CLIP2: variants seen among roughly 807,000 people sequenced by gnomAD.
The protein encoded by CLIP2 is CAP-Gly domain containing linker protein 2.
CLIP2 carries 41 observed loss-of-function variants against 111.7 expected under a neutral mutation model. The observed-to-expected ratio is 0.37, with a 90% CI of 0.29 to 0.48. The LOEUF (loss-of-function observed/expected upper bound fraction) is 0.48, where lower values mean the gene tolerates loss of function less well. CLIP2 is among the 20% of genes least tolerant of loss of function. The pLI, the probability that CLIP2 is intolerant of heterozygous loss-of-function variation, is 0.99. For synonymous variants in CLIP2, 660 were observed against 644.2 expected (o/e 1.02, Z -0.37); for missense variants, 1,160 against 1,422.1 (o/e 0.82, Z 2.96).
intron 8 of CLIP2, among the ~76,000 whole-genome samples, chr7:74,370,617 C>T (rs1183152139): frequency 6.8e-6 from 1 of 146,970 alleles, no homozygotes; most frequent in Admixed American, 6.9e-5. Flanking sequence ...CACCACCCCC[C>T]TGCCTTGTCC....
chr7:74,356,605 G>A lies in CLIP2; in HGVS notation c.999G>A (p.Arg333=), dbSNP rs1554308533. ...VSSVASSVGG[R]PSRSGLLTET... Reference sequence around the variant, plus strand: ...CTGTGGCCTCCTCCGTGGGGGGTCGGCCCAGCCGCAGTGGCCTGGTGAGGG... The same window carrying A: ...CTGTGGCCTCCTCCGTGGGGGGTCGACCCAGCCGCAGTGGCCTGGTGAGGG... The change falls in exon 5 of 17, where the codon CGG becomes CGA. Residue 333 remains arginine, a synonymous_variant. Coordinates refer to ENST00000223398, the MANE Select transcript of CLIP2 (RefSeq NM_003388.5). 1.2e-6 allele frequency: 2 copies of A among 1,613,554 alleles called. No individual in the cohort carries two copies. The highest frequency in any genetic ancestry group is 2.2e-5 in the South Asian group (2 of 91,006).
intron 14 of CLIP2, among the ~76,000 whole-genome samples, chr7:74,398,710 G>T (rs1052491987): frequency 1.1e-4 from 16 of 152,348 alleles, no homozygotes; most frequent in Non-Finnish European, 1.6e-4. Context: ...CACCCAGACT[G>T]TGGCTGTGGG....
rs1554312784 is a variant in CLIP2 at position 74,376,171 on chromosome 7, G to A, written c.1770G>A (p.Gln590=). ...GCGCGGCCAACGAGAAGTACGCACAGGAGGTGGCGGGCCTGAAGGACAAGG... is the reference window on the plus strand; with the variant it reads ...GCGCGGCCAACGAGAAGTACGCACAAGAGGTGGCGGGCCTGAAGGACAAGG... ...KLRAANEKYA[Q]EVAGLKDKVQ... The change falls in exon 10 of 17, where the codon CAG becomes CAA. Residue 590 remains glutamine (Q), a synonymous_variant. Transcript: ENST00000223398. This position sits in a 1 kb window ranked among gnomAD's most constrained non-coding sequence, Gnocchi z 7.1. 1.2e-6 allele frequency: 2 copies of A among 1,611,752 alleles called. No homozygotes were observed. The highest frequency in any genetic ancestry group is 1.7e-6 in the Non-Finnish European group (2 of 1,179,024).
At chr7:74,397,727 C>T (rs555329150) in intron 14 of CLIP2, among the ~76,000 whole-genome samples, 5 of 138,732 alleles carry the variant, frequency 3.6e-5, no homozygotes, top group South Asian at 4.8e-4. Flanking sequence ...AGTGCAGTGG[C>T]GCGATCTCAG....
intron 16 of CLIP2, among the ~76,000 whole-genome samples, chr7:74,403,118 C>T (rs1265498172): frequency 6.7e-5 from 8 of 119,540 alleles, no homozygotes; most frequent in African/African-American, 2.0e-4. Flanking sequence ...ACTCGGGAGG[C>T]TGAGGCAGGA....
At chr7:74,347,560 G>A (rs1486467218) in intron 3 of CLIP2, among the ~76,000 whole-genome samples, 4 of 152,186 alleles carry the variant, frequency 2.6e-5, no homozygotes, top group South Asian at 2.1e-4. Context: ...GAGCCACCGC[G>A]TCCGGCCAAA....
intron 2 of CLIP2, among the ~76,000 whole-genome samples, chr7:74,337,591 T>TGC (rs1279013389): frequency 6.5e-5 from 5 of 77,212 alleles, no homozygotes; most frequent in East Asian, 1.3e-3. Flanking sequence ...AAGCCATTGC[T>TGC]TCTTTTTTTT....
chr7:74,317,566 T>C lies in CLIP2; in HGVS notation c.20T>C (p.Leu7Pro). ...ACCGCCATGCAGAAGCCCAGCGGCC[T>C]GAAGCCCCCCGGCCGTGGGGGGAAG... Reference protein sequence around the residue: MQKPSGLKPPGRGGKHS... With the variant: MQKPSGPKPPGRGGKHS... The change falls in exon 2 of 17, where the codon CTG becomes CCG. Residue 7 changes from leucine (L) to proline (P), a missense_variant. Around this residue, in one of 5 missense-constraint regions of CLIP2, gnomAD observed 301 missense variants for 315.2 expected, o/e 0.96. Transcript: ENST00000223398. The C allele has an allele frequency of 6.8e-7, 1 of 1,471,244 alleles. No individual in the cohort carries two copies. Among genetic ancestry groups the C allele is most frequent in the South Asian group, 1.4e-5 (1 of 70,718 alleles). The allele number at this position is 1,471,244 out of a possible 1,614,324, so 91.1% of individuals were successfully genotyped here.
At chr7:74,362,099 CAAAA>C (rs564539300) in intron 7 of CLIP2, among the ~76,000 whole-genome samples, 4 of 86,510 alleles carry the variant, frequency 4.6e-5, no homozygotes, top group Non-Finnish European at 5.0e-5. Context: ...GGCTCCGCCT[CAAAA>C]AAAAAAAAAA....
chr7:74,343,984 G>C (rs1789736538), intron 3 of CLIP2, among the ~76,000 whole-genome samples: 1 of 152,206 alleles, frequency 6.6e-6, no homozygotes, highest in East Asian at 1.9e-4. Flanking sequence ...TGCACAGTCT[G>C]ACTAATGTCG....
intron 1 of CLIP2, among the ~76,000 whole-genome samples, chr7:74,294,058 A>T (rs1175263607): frequency 1.3e-5 from 2 of 152,098 alleles, no homozygotes; most frequent in African/African-American, 4.8e-5. Flanking sequence ...CTGGGATTAC[A>T]GGCACGCGCC....
At chr7:74,347,508 T>C (rs2116582329) in intron 3 of CLIP2, among the ~76,000 whole-genome samples, 1 of 152,264 alleles carries the variant, frequency 6.6e-6, no homozygotes, top group East Asian at 1.9e-4. Context: ...GACCTCGTGA[T>C]CTGCCCGCCT....
intron 14 of CLIP2, among the ~76,000 whole-genome samples, chr7:74,398,447 C>T (rs571432419): frequency 7.2e-5 from 11 of 152,312 alleles, no homozygotes; most frequent in South Asian, 6.2e-4. Flanking sequence ...GTGAACGTCA[C>T]GATATGGAGG....
At chr7:74,392,392 G>A (rs1436171254) in intron 13 of CLIP2, among the ~76,000 whole-genome samples, 1 of 151,558 alleles carries the variant, frequency 6.6e-6, no homozygotes, top group Non-Finnish European at 1.5e-5. Context: ...AAATAGCTGG[G>A]CGTGGAGCAC....
At chr7:74,325,216 C>T (rs1483870483) in intron 2 of CLIP2, among the ~76,000 whole-genome samples, 3 of 152,178 alleles carry the variant, frequency 2.0e-5, no homozygotes, top group African/African-American at 7.2e-5. Context: ...CTGTGCCACA[C>T]AGGGAGCAGC....
At chr7:74,362,528 CTTT>C (rs3044338) in intron 7 of CLIP2, among the ~76,000 whole-genome samples, 3 of 121,978 alleles carry the variant, frequency 2.5e-5, no homozygotes, top group Non-Finnish European at 3.3e-5. Context: ...TTTTTCTTTT[CTTT>C]TTTTTTTTTT....
intron 6 of CLIP2, among the ~76,000 whole-genome samples, chr7:74,359,597 C>T (rs1451731973): frequency 2.0e-5 from 3 of 151,674 alleles, no homozygotes; most frequent in African/African-American, 4.8e-5. Flanking sequence ...CCTTGTGATC[C>T]GCCCGCCTTG....
chr7:74,397,247 G>C lies in CLIP2; in HGVS notation c.2880+14G>C. On this transcript the variant is annotated intron_variant, in intron 14 of 16. Transcript: ENST00000223398. ...CTGACCGGGCTGGTATGTGGGGTAG[G>C]GGTGGCCTAGGGGCAGGGGCACTAG... 2.5e-6 allele frequency: 4 copies of C among 1,612,418 alleles called. No homozygotes were observed. Among genetic ancestry groups the C allele is most frequent in the Non-Finnish European group, 3.4e-6 (4 of 1,179,210 alleles).
chr7:74,368,244 G>A (rs918136142), intron 8 of CLIP2, among the ~76,000 whole-genome samples: 4 of 151,934 alleles, frequency 2.6e-5, no homozygotes, highest in Non-Finnish European at 4.4e-5. Flanking sequence ...AAGGCCGGGC[G>A]CGGTGGCTCA....
Sources: gnomAD v4.1 joint callset for allele counts (sites outside exome capture counted in the v4.1 genomes callset) on GRCh38, gnomAD v4.1.1 for gene constraint, gnomAD v4.1.1 regional missense constraint, Gnocchi (gnomAD v3.1) non-coding constraint, MANE v1.5 for transcripts, NCBI Gene and HGNC (gene_info 2026-07-23, HGNC 2026-07-21) for gene names.